Variants in ZNF385D observed in about 807,000 individuals in gnomAD.
The protein encoded by ZNF385D is zinc finger protein 385D, also known as zinc finger protein 659.
ZNF385D carries 15 observed loss-of-function variants against 35.8 expected under a neutral mutation model. The ratio of observed to expected loss-of-function variants is 0.42; its 90% CI spans 0.28 to 0.64. The LOEUF (loss-of-function observed/expected upper bound fraction) is 0.64, where lower values mean the gene tolerates loss of function less well. Ranked by LOEUF, ZNF385D falls within the 30% of genes least tolerant of loss-of-function variation. The pLI is 0.23. For missense variants in ZNF385D, 474 were observed against 494.6 expected, an observed-to-expected ratio of 0.96 and a Z score of 0.39; for synonymous variants, 212 against 186.8, an observed-to-expected ratio of 1.13 and a Z score of -1.10.
At chr3:22,122,765 G>A (rs1405726634) in intron 3 of ZNF385D, among the ~76,000 whole-genome samples, 3 of 152,176 alleles carry the variant, frequency 2.0e-5, no homozygotes, top group Non-Finnish European at 2.9e-5. Flanking sequence ...ACATGCTAAA[G>A]GGGGTGAAGA....
At chr3:21,734,850 G>A (rs28539147) in intron 1 of ZNF385D, among the ~76,000 whole-genome samples, 25,986 of 152,014 alleles carry the variant, frequency 0.17, 2,326 homozygotes, top group Middle Eastern at 0.3. Context: ...GGAAGCATAA[G>A]AGAATCAAGT....
At chr3:22,330,167 C>G (rs1242098913) in intron 2 of ZNF385D, among the ~76,000 whole-genome samples, 1 of 152,102 alleles carries the variant, frequency 6.6e-6, no homozygotes, top group Non-Finnish European at 1.5e-5. Flanking sequence ...CTCACTGATT[C>G]ATTTTTACAA....
chr3:21,785,985 G>A (rs1181139099), intron 3 of ZNF385D, among the ~76,000 whole-genome samples: 8 of 151,624 alleles, frequency 5.3e-5, no homozygotes, highest in Admixed American at 4.6e-4. Context: ...CAGGAAGTGT[G>A]GAGCATGTGA....
At chr3:21,514,912 C>T (rs1978516) in intron 3 of ZNF385D, among the ~76,000 whole-genome samples, 88,548 of 151,816 alleles carry the variant, frequency 0.58, 25,857 homozygotes, top group East Asian at 0.68. Flanking sequence ...CTTGAAATAG[C>T]ACATGACACC....
intron 3 of ZNF385D, among the ~76,000 whole-genome samples, chr3:21,835,131 ATTAT>A (rs1228193067): frequency 6.6e-6 from 1 of 152,088 alleles, no homozygotes; most frequent in Non-Finnish European, 1.5e-5. Context: ...ACATTTAGTT[ATTAT>A]TTAAATTCAA....
chr3:21,681,822 A>T (rs1488691263), intron 1 of ZNF385D, among the ~76,000 whole-genome samples: 1 of 64,932 alleles, frequency 1.5e-5, no homozygotes, highest in Non-Finnish European at 3.5e-5. Flanking sequence ...GAAATGAGGG[A>T]AAGAGAGGCA....
chr3:22,089,670 G>A (rs1701223802), intron 3 of ZNF385D, among the ~76,000 whole-genome samples: 1 of 152,040 alleles, frequency 6.6e-6, no homozygotes, highest in Non-Finnish European at 1.5e-5. Flanking sequence ...AGTAAGGGGG[G>A]GATTTCCAGT....
chr3:21,744,012 A>G (rs2069643375), intron 1 of ZNF385D, among the ~76,000 whole-genome samples: 1 of 152,162 alleles, frequency 6.6e-6, no homozygotes, highest in Non-Finnish European at 1.5e-5. Flanking sequence ...GTTACAAATA[A>G]TCTTCCATTC....
chr3:21,441,438 A>G (rs1255250475), intron 4 of ZNF385D, among the ~76,000 whole-genome samples: 2 of 152,200 alleles, frequency 1.3e-5, no homozygotes, highest in African/African-American at 4.8e-5. Context: ...AGTCTGGCTC[A>G]GTTGCATGTG....
chr3:22,030,299 A>ATATATATATCTATC lies in ZNF385D; in HGVS notation c.325+138517_325+138518insGATAGATATATATA, dbSNP rs1553591392. Among the ~76,000 whole-genome samples, 4 of 114,734 alleles carry ATATATATATCTATC rather than the reference A, an allele frequency of 3.5e-5. No homozygotes were observed. The Admixed American group carries it at 4.1e-4, about 12-fold the overall frequency. The allele number at this position is 114,734 out of a possible 152,430, so 75.3% of individuals were successfully genotyped here. A position where few individuals can be genotyped will look rare whatever the true frequency, so the allele number is the denominator to read the frequency against. ...TATATATATATATATATATATATAT[A>ATATATATATCTATC]TATCCTATTTGGTCCATCCCTCGAA... is the stretch of plus-strand genomic sequence containing the variant. On this transcript the variant is annotated intron_variant, in intron 3 of 5. Transcript: ENST00000494108.
At chr3:21,931,834 A>C (rs1424035183) in intron 3 of ZNF385D, among the ~76,000 whole-genome samples, 1 of 152,110 alleles carries the variant, frequency 6.6e-6, no homozygotes, top group African/African-American at 2.4e-5. Flanking sequence ...CAGTTTTATA[A>C]TATGTAAATT....
At position 21,421,247 on chromosome 3, in the gene ZNF385D, G is replaced by A. The variant is rs200768881; in HGVS notation, c.1155C>T (p.Thr385=). 2.6e-5 allele frequency: 42 copies of A among 1,613,890 alleles called. No homozygotes were observed. Among genetic ancestry groups the A allele is most frequent in the Non-Finnish European group, 3.5e-5 (41 of 1,180,016 alleles). Reference sequence around the variant, plus strand: ...GAGCAAACAGCACAGGAGTGTGGGCGGTCCGAATGGGTCCAGGAGCTGGCC... The same window carrying A: ...GAGCAAACAGCACAGGAGTGTGGGCAGTCCGAATGGGTCCAGGAGCTGGCC... The part of the protein sequence containing the change: ...LLRPAPGPIR[T]AHTPVLFAPY Residue 385 remains threonine (T), a synonymous_variant, in exon 8 of 8, where the codon ACC becomes ACT. Transcript: ENST00000281523.
chr3:21,857,613 G>A (rs894477313), intron 3 of ZNF385D, among the ~76,000 whole-genome samples: 2 of 151,898 alleles, frequency 1.3e-5, no homozygotes, highest in African/African-American at 4.8e-5. Context: ...CTGAAGTAAT[G>A]GAGGAGGAGT....
rs566734014 is a variant in ZNF385D, at chr3:21,894,294, G to A, written c.326-229266C>T. ...CAAATACTATCTTAAGAACTAGTAT[G>A]TTATACTTAGTCAATTCATGTAATA... On this transcript the variant is annotated intron_variant, in intron 3 of 5. Transcript: ENST00000494108. 1.8e-4 allele frequency among the ~76,000 whole-genome samples: 27 copies of A among 152,176 alleles called. 1 individual carries two copies. In the South Asian group the frequency reaches 5.0e-3, roughly 28 times the overall value.
intron 3 of ZNF385D, among the ~76,000 whole-genome samples, chr3:22,091,926 T>A (rs1000721523): frequency 6.6e-6 from 1 of 152,110 alleles, no homozygotes; most frequent in African/African-American, 2.4e-5. Context: ...ATTTGAGGAG[T>A]AATTAATATA....
At chr3:22,257,119 C>T (rs1473174575) in intron 2 of ZNF385D, among the ~76,000 whole-genome samples, 1 of 151,798 alleles carries the variant, frequency 6.6e-6, no homozygotes, top group South Asian at 2.1e-4. Context: ...GGGAGACTCA[C>T]AGTTTTGTAC....
At chr3:21,598,508 T>C (rs1308050708) in intron 2 of ZNF385D, among the ~76,000 whole-genome samples, 1 of 152,190 alleles carries the variant, frequency 6.6e-6, no homozygotes, top group Non-Finnish European at 1.5e-5. Flanking sequence ...TGGACTGTAA[T>C]TGAATTTAAT....
At chr3:21,927,428 G>C (rs1341232522) in intron 3 of ZNF385D, among the ~76,000 whole-genome samples, 3 of 152,092 alleles carry the variant, frequency 2.0e-5, no homozygotes, top group Non-Finnish European at 2.9e-5. Flanking sequence ...GTTCTTGGCA[G>C]CTTTATTTAT....
intron 3 of ZNF385D, among the ~76,000 whole-genome samples, chr3:22,148,042 TTTGA>T (rs1410806480): frequency 6.6e-6 from 1 of 152,204 alleles, no homozygotes; most frequent in Non-Finnish European, 1.5e-5. Flanking sequence ...AAAAATGTAG[TTTGA>T]TTGTGGCTTA....
Sources: allele counts gnomAD v4.1 joint callset (sites outside exome capture counted in the v4.1 genomes callset), GRCh38; gene constraint gnomAD v4.1.1; transcripts MANE v1.5; gene names NCBI Gene and HGNC (gene_info 2026-07-23, HGNC 2026-07-21).